ULK2: variants seen among roughly 807,000 people sequenced by gnomAD.
The protein encoded by ULK2 is unc-51 like autophagy activating kinase 2.
Under a neutral mutation model 127.5 loss-of-function variants are expected in ULK2, and 76 were observed. The ratio of observed to expected loss-of-function variants is 0.60; its 90% confidence interval spans 0.50 to 0.72. The LOEUF (loss-of-function observed/expected upper bound fraction) is 0.72, where lower values mean the gene tolerates loss of function less well. ULK2 is among the 30% of genes least tolerant of loss of function. The pLI is 0.00. For missense variants in ULK2, 1,144 were observed against 1,295.9 expected (o/e 0.88, Z 1.80); for synonymous variants, 452 against 461.9 (o/e 0.98, Z 0.28).
intron 12 of ULK2, among the ~76,000 whole-genome samples, chr17:19,824,818 C>G (rs1354658280): frequency 6.6e-6 from 1 of 152,112 alleles, no homozygotes; most frequent in Non-Finnish European, 1.5e-5. Flanking sequence ...ACCAAAACAC[C>G]ATAGGGTATA....
At chr17:19,811,841 A>T (rs960861509) in intron 13 of ULK2, among the ~76,000 whole-genome samples, 2 of 152,214 alleles carry the variant, frequency 1.3e-5, no homozygotes, top group Non-Finnish European at 2.9e-5. Flanking sequence ...ACCACATTTT[A>T]AAAAATTTTA....
At chr17:19,861,157 A>AT (rs1306634858) in intron 3 of ULK2, 1 of 152,208 alleles carries the variant, frequency 6.6e-6, no homozygotes, top group Non-Finnish European at 1.5e-5. Context: ...TTCCTGATTG[A>AT]TTAACAATTC....
At position 19,772,122 on chromosome 17, in the gene ULK2, C is replaced by T. The variant is rs1891324359; in HGVS notation, c.*4227G>A. The T allele has an allele frequency of 6.6e-6, 1 of 152,342 alleles. No individual in the cohort carries two copies. Among genetic ancestry groups the T allele is most frequent in the African/African-American group, 2.4e-5 (1 of 41,454 alleles). The allele number at this position is 152,342 out of a possible 1,614,324, so 9.4% of individuals were successfully genotyped here. A position where few individuals can be genotyped will look rare whatever the true frequency, so the allele number is the denominator to read the frequency against. ...CATCTCTGCACAGCCTCTGCTGGGCCACTCTGTGAGAGGTCACGCTGGCAG... is the reference window on the plus strand; with the variant it reads ...CATCTCTGCACAGCCTCTGCTGGGCTACTCTGTGAGAGGTCACGCTGGCAG... On this transcript the variant is annotated 3_prime_UTR_variant, in exon 27 of 27. Coordinates refer to ENST00000395544, the MANE Select transcript of ULK2 (RefSeq NM_014683.4).
Position 19,825,113 on chromosome 17 carries a change from C to T in ULK2, c.905G>A (p.Cys302Tyr), listed in dbSNP as rs76146754. ...ACTTACTGGTGGAGAAGCAAAACGA[C>T]AAGATGGAGAGCTGCCACAGGAGCT... Reference protein sequence around the residue: ...SGSSCGSSPSCRFASPPSLPD... With the variant: ...SGSSCGSSPSYRFASPPSLPD... Residue 302 changes from cysteine to tyrosine, a missense_variant, in exon 12 of 27, where the codon TGT becomes TAT. Cys to Tyr is a radical substitution (Grantham distance 194, BLOSUM62 -2). Transcript: ENST00000395544. 6.2e-7 allele frequency: 1 copy of T among 1,614,072 alleles called. No homozygotes were observed. The highest frequency in any genetic ancestry group is 8.5e-7 in the Non-Finnish European group (1 of 1,179,992).
chr17:19,859,734 C>T (rs1374092171), intron 3 of ULK2, among the ~76,000 whole-genome samples: 1 of 152,136 alleles, frequency 6.6e-6, no homozygotes, highest in Non-Finnish European at 1.5e-5. Context: ...GTACAGTGGC[C>T]AGTGGTGCAA....
chr17:19,832,692 G>A (rs887897137), intron 10 of ULK2, among the ~76,000 whole-genome samples: 3 of 152,088 alleles, frequency 2.0e-5, no homozygotes, highest in Non-Finnish European at 4.4e-5. Context: ...AGACAAAGGG[G>A]TGACCCCTAG....
intron 2 of ULK2, among the ~76,000 whole-genome samples, chr17:19,865,394 C>A (rs573948117): frequency 4.6e-5 from 7 of 152,202 alleles, no homozygotes; most frequent in Non-Finnish European, 7.4e-5. Context: ...CTACTCCCCC[C>A]AAAAAACTTA....
Position 19,810,450 on chromosome 17 carries a change from A to T in ULK2, c.1097-12T>A, listed in dbSNP as rs1468491854. 1.3e-6 allele frequency: 2 copies of T among 1,570,522 alleles called. No homozygotes were observed. Among genetic ancestry groups the T allele is most frequent in the Non-Finnish European group, 1.7e-6 (2 of 1,152,414 alleles). The stretch of plus-strand genomic sequence containing the variant: ...CACTGGCATATCACCTAAAGGAGAG[A>T]AAAGAACAATCAGTTCCTGTTATAC... On this transcript the variant is annotated splice_polypyrimidine_tract_variant and intron_variant, in intron 13 of 26. Transcript: ENST00000395544.
intron 21 of ULK2, chr17:19,784,132 T>A (rs2152382351): frequency 2.7e-6 from 1 of 374,174 alleles, no homozygotes; most frequent in Admixed American, 4.6e-5. Flanking sequence ...CAGAGCTAGT[T>A]TTTTTATACT....
At chr17:19,802,759 A>C (rs910331443) in intron 15 of ULK2, among the ~76,000 whole-genome samples, 4 of 152,208 alleles carry the variant, frequency 2.6e-5, no homozygotes, top group Non-Finnish European at 5.9e-5. Context: ...TGGATCTGAA[A>C]CCAGATTAAT....
At chr17:19,863,141 G>C (rs535256040) in intron 3 of ULK2, among the ~76,000 whole-genome samples, 69 of 152,172 alleles carry the variant, frequency 4.5e-4, no homozygotes, top group African/African-American at 1.6e-3. Flanking sequence ...TTTAACCCGG[G>C]GGGGCAGAGG....
chr17:19,825,009 T>G, intron 12 of ULK2, 85 bp downstream of exon 12: 1 of 1,228,446 alleles, frequency 8.1e-7, no homozygotes, highest in Non-Finnish European at 1.2e-6. Context: ...ATAAAAAGAA[T>G]ATCCACAGTG....
chr17:19,778,269 A>T (rs1018346765), intron 25 of ULK2, among the ~76,000 whole-genome samples: 15 of 152,218 alleles, frequency 9.9e-5, no homozygotes, highest in African/African-American at 3.6e-4. Flanking sequence ...AAAAAATGCA[A>T]TTCTAATGCC....
At chr17:19,785,895 C>A in intron 21 of ULK2, 42 bp downstream of exon 21, 1 of 1,583,452 alleles carries the variant, frequency 6.3e-7, no homozygotes, top group Non-Finnish European at 8.6e-7. Context: ...CACTACATTC[C>A]AAATACTAGC....
chr17:19,792,831 AAC>A (rs1380212406), intron 20 of ULK2, among the ~76,000 whole-genome samples: 1 of 152,214 alleles, frequency 6.6e-6, no homozygotes, highest in Non-Finnish European at 1.5e-5. Context: ...TAATAACCAA[AAC>A]AGTCTTGAAA....
At chr17:19,801,561 G>A (rs1389726653) in intron 16 of ULK2, among the ~76,000 whole-genome samples, 2 of 152,086 alleles carry the variant, frequency 1.3e-5, no homozygotes, top group Non-Finnish European at 2.9e-5. Context: ...CAGCCTGGGC[G>A]ACAGAGTGAG....
Position 19,777,663 on chromosome 17 carries a change from A to G in ULK2, c.2970T>C (p.Tyr990=), listed in dbSNP as rs139264293. The G allele has an allele frequency of 6.2e-6, 10 of 1,614,018 alleles. No individual in the cohort carries two copies. In the African/African-American group the frequency reaches 1.3e-4, roughly 22 times the overall value. ...AAAGAAGGGCTGCCTTATGATAGCG[A>G]TAAACAATATCTTCGGTCTGCTGAA... ...EMFQQTEDIV[Y]RYHKAALLLE... Residue 990 remains tyrosine (Y), a synonymous_variant, in exon 26 of 27, where the codon TAT becomes TAC. Transcript: ENST00000395544.
Position 19,838,529 on chromosome 17 carries a change from C to T in ULK2, c.759G>A (p.Gln253=). Residue 253 remains glutamine (Q), a synonymous_variant, in exon 10 of 27, where the codon CAG becomes CAA. Transcript: ENST00000395544. Reference sequence around the variant, plus strand: ...AGTCCATTCTATCTTTTTGGTTTCTCTGAAGCAAACCCAAAAGGAGATTAG... The same window carrying T: ...AGTCCATTCTATCTTTTTGGTTTCTTTGAAGCAAACCCAAAAGGAGATTAG... ...YLANLLLGLL[Q]RNQKDRMDFE... The T allele has an allele frequency of 1.2e-6, 2 of 1,612,092 alleles. No individual in the cohort carries two copies. Among genetic ancestry groups the T allele is most frequent in the Non-Finnish European group, 1.7e-6 (2 of 1,179,488 alleles).
At chr17:19,837,876 A>G (rs2041635922) in intron 10 of ULK2, among the ~76,000 whole-genome samples, 1 of 152,170 alleles carries the variant, frequency 6.6e-6, no homozygotes, top group South Asian at 2.1e-4. Context: ...TCTATTCTCA[A>G]GCAGCAGCCA....
Sources: allele counts gnomAD v4.1 joint callset (sites outside exome capture counted in the v4.1 genomes callset), GRCh38; gene constraint gnomAD v4.1.1; transcripts MANE v1.5; gene names NCBI Gene and HGNC (gene_info 2026-07-23, HGNC 2026-07-21).